Variants in OR2C1 observed in about 807,000 individuals in gnomAD.
OR2C1 encodes the protein olfactory receptor 2C1.
For missense variants in OR2C1, 468 were observed against 388.3 expected (o/e 1.21, Z -1.73); for synonymous variants, 209 against 167.3 (o/e 1.25, Z -1.92).
Position 3,356,620 on chromosome 16 carries a change from A to G in OR2C1, c.680A>G (p.Lys227Arg). The change falls in exon 1 of 1, where the codon AAA (lysine) becomes AGA (arginine). Residue 227 changes from lysine to arginine, a missense_variant. Physicochemically the swap from Lys to Arg is conservative, Grantham distance 26. Coordinates refer to ENST00000304936, the MANE Select transcript of OR2C1 (RefSeq NM_012368.3). ...SYCLIAQAVL[K>R]IRSAEGRRKA... Reference sequence around the variant, plus strand: ...TGCCTCATTGCTCAGGCAGTGCTGAAAATCCGCTCTGCAGAGGGGAGGCGA... The same window carrying G: ...TGCCTCATTGCTCAGGCAGTGCTGAGAATCCGCTCTGCAGAGGGGAGGCGA... 6.2e-7 allele frequency: 1 copy of G among 1,614,138 alleles called. No homozygotes were observed. Among genetic ancestry groups the G allele is most frequent in the South Asian group, 1.1e-5 (1 of 91,088 alleles).
At chr16:3,346,718 C>T in the OR2C1 span, among the ~76,000 whole-genome samples, 1 of 148,310 alleles carries the variant, frequency 6.7e-6, no homozygotes, top group South Asian at 2.1e-4. Flanking sequence ...CAACCTCTGC[C>T]TCCTGGGTTC....
rs571533559 is a variant in OR2C1 at position 3,355,902 on chromosome 16, C to T, written c.-39C>T. 4.8e-4 allele frequency: 697 copies of T among 1,459,006 alleles called. 7 individuals are homozygous for T. In the South Asian group the frequency reaches 8.2e-3, roughly 17 times the overall value. The allele number at this position is 1,459,006 out of a possible 1,614,324, so 90.4% of individuals were successfully genotyped here. On this transcript the variant is annotated 5_prime_UTR_variant, in exon 1 of 1. Transcript: ENST00000304936. ...TCTTGACTTTTCTTCCAGCAGCTTG[C>T]GCTAAATGAATTCATCAAGTGACTG...
the OR2C1 span, among the ~76,000 whole-genome samples, chr16:3,344,220 T>TA: frequency 1.2e-4 from 18 of 150,600 alleles, no homozygotes; most frequent in East Asian, 5.9e-4. Context: ...AGACTCCATT[T>TA]AAAAAAAACA....
At chr16:3,345,788 C>G in the OR2C1 span, among the ~76,000 whole-genome samples, 1 of 146,338 alleles carries the variant, frequency 6.8e-6, no homozygotes. Context: ...TTTCTTTTTT[C>G]TTTCTCTCTT....
rs745873258 is a variant in OR2C1, at chr16:3,356,271, G to A, written c.331G>A (p.Glu111Lys). 3.4e-5 allele frequency: 55 copies of A among 1,613,738 alleles called. No homozygotes were observed. Among genetic ancestry groups the A allele is most frequent in the Non-Finnish European group, 4.2e-5 (49 of 1,180,028 alleles). ...LYVFLWLGAT[E>K]CILLVVMAFD... ...TGTCTTCCTTTGGCTGGGGGCCACC[G>A]AGTGCATCCTGCTGGTGGTGATGGC... is the stretch of plus-strand genomic sequence containing the variant. The change falls in exon 1 of 1, where the codon GAG becomes AAG. Residue 111 changes from glutamate (E) to lysine (K), a missense_variant. Coordinates refer to ENST00000304936, the MANE Select transcript of OR2C1 (RefSeq NM_012368.3).
chr16:3,357,683 T>C (rs2030705003), downstream of OR2C1, among the ~76,000 whole-genome samples: 1 of 152,204 alleles, frequency 6.6e-6, no homozygotes, highest in Admixed American at 6.6e-5. Context: ...CTGTCTCTTC[T>C]TAATAATGCA....
chr16:3,352,730 CT>C (rs1355892431), upstream of OR2C1, among the ~76,000 whole-genome samples: 2 of 106,620 alleles, frequency 1.9e-5, no homozygotes, highest in Non-Finnish European at 3.6e-5. Flanking sequence ...CTGTCTGTTT[CT>C]TTCTTTCTTT....
At chr16:3,349,762 C>A in the OR2C1 span, among the ~76,000 whole-genome samples, 1 of 151,704 alleles carries the variant, frequency 6.6e-6, no homozygotes, top group Non-Finnish European at 1.5e-5. Flanking sequence ...GGGGGCCAGG[C>A]GTGGTGGTAC....
the OR2C1 span, among the ~76,000 whole-genome samples, chr16:3,329,429 C>A: frequency 6.6e-6 from 1 of 151,950 alleles, no homozygotes; most frequent in Non-Finnish European, 1.5e-5. Context: ...AACATGCATA[C>A]CTAGAAACAT....
At chr16:3,358,007 A>T (rs570068058), downstream of OR2C1, among the ~76,000 whole-genome samples, 210 of 152,084 alleles carry the variant, frequency 1.4e-3, 2 homozygotes, top group Middle Eastern at 0.014. Context: ...CAATAATAAT[A>T]ATGTAGTATA....
At chr16:3,333,342 G>T in the OR2C1 span, among the ~76,000 whole-genome samples, 49,274 of 149,420 alleles carry the variant, frequency 0.33, 9,023 homozygotes, top group African/African-American at 0.5. Flanking sequence ...TTTTATTTTA[G>T]TTTAGTTTAT....
chr16:3,347,879 T>C, the OR2C1 span, among the ~76,000 whole-genome samples: 121 of 6,626 alleles, frequency 0.018, no homozygotes, highest in East Asian at 0.33. Context: ...CACACGCACA[T>C]GCACACATGC....
the OR2C1 span, among the ~76,000 whole-genome samples, chr16:3,334,086 ACT>A: frequency 6.6e-6 from 1 of 150,676 alleles, no homozygotes; most frequent in Non-Finnish European, 1.5e-5. Flanking sequence ...TATCTTCCTA[ACT>A]CAGCCTTCTG....
the OR2C1 span, among the ~76,000 whole-genome samples, chr16:3,327,504 T>C: frequency 6.6e-6 from 1 of 151,970 alleles, no homozygotes; most frequent in Non-Finnish European, 1.5e-5. Flanking sequence ...CTTCTCAAGA[T>C]GGCTTTGTAA....
upstream of OR2C1, among the ~76,000 whole-genome samples, chr16:3,351,197 GT>G (rs1567284869): frequency 2.2e-3 from 124 of 55,404 alleles, 22 homozygotes; most frequent in African/African-American, 4.6e-3. Flanking sequence ...CTGAATTTAA[GT>G]CTTTTTTCTT....
the OR2C1 span, chr16:3,324,017 C>G: frequency 5.5e-3 from 2,481 of 449,054 alleles, 67 homozygotes; most frequent in African/African-American, 0.045. Flanking sequence ...AGCATTTGCC[C>G]ATGATTTGTA....
chr16:3,333,452 C>T, the OR2C1 span, among the ~76,000 whole-genome samples: 2 of 151,978 alleles, frequency 1.3e-5, no homozygotes, highest in Admixed American at 1.3e-4. Flanking sequence ...TCTCCTGCCT[C>T]AGCCTCCCCA....
the OR2C1 span, among the ~76,000 whole-genome samples, chr16:3,329,397 A>G: frequency 6.6e-6 from 1 of 152,068 alleles, no homozygotes; most frequent in Non-Finnish European, 1.5e-5. Context: ...ATAGATAAGA[A>G]TAAAGGCCAA....
At chr16:3,347,222 G>C in the OR2C1 span, among the ~76,000 whole-genome samples, 4 of 136,868 alleles carry the variant, frequency 2.9e-5, no homozygotes, top group East Asian at 2.3e-4. Context: ...ACTCCAACCT[G>C]GGTGACAGAC....
Sources: gnomAD v4.1 joint callset for allele counts (sites outside exome capture counted in the v4.1 genomes callset) on GRCh38, gnomAD v4.1.1 for gene constraint, MANE v1.5 for transcripts, NCBI Gene and HGNC (gene_info 2026-07-23, HGNC 2026-07-21) for gene names.